The following ADCY10 variants were observed in gnomAD, a reference collection of about 807,000 sequenced individuals.
The protein encoded by ADCY10 is adenylate cyclase type 10.
Under a neutral mutation model 183.3 loss-of-function variants are expected in ADCY10, and 156 were observed. The observed-to-expected ratio is 0.85, with a 90% CI of 0.75 to 0.97. ADCY10 has a LOEUF of 0.97. Among genes scored for constraint, ADCY10 ranks in the 50% least tolerant of loss-of-function variants. ADCY10 has a pLI of 0.00. For missense variants in ADCY10, 1,745 were observed against 1,934.3 expected, an observed-to-expected ratio of 0.90 and a Z score of 1.84; for synonymous variants, 645 against 670.0, an observed-to-expected ratio of 0.96 and a Z score of 0.58.
intron 21 of ADCY10, 84 bp from the exon 22 acceptor site, chr1:167,837,402 T>G (rs558613445): frequency 7.8e-7 from 1 of 1,289,624 alleles, no homozygotes; most frequent in South Asian, 1.2e-5. Flanking sequence ...AGACTCTTGT[T>G]CCCTTTTCGG....
At position 167,837,237 on chromosome 1, in the gene ADCY10, A is replaced by G; in HGVS notation, c.3077+12T>C. On this transcript the variant is annotated intron_variant, in intron 22 of 32. Coordinates refer to ENST00000367851, the MANE Select transcript of ADCY10 (RefSeq NM_018417.6). Reference sequence around the variant, plus strand: ...TATGCTCTACTTCCTAAACAATGATATATGCCTCTACCTGCGATTTTCAGG... The same window carrying G: ...TATGCTCTACTTCCTAAACAATGATGTATGCCTCTACCTGCGATTTTCAGG... 6.2e-7 allele frequency: 1 copy of G among 1,601,286 alleles called. No individual in the cohort carries two copies. Among genetic ancestry groups the G allele is most frequent in the Non-Finnish European group, 8.6e-7 (1 of 1,168,368 alleles).
In ADCY10 at chr1:167,863,730, G is replaced by A. The variant is rs535094453; in HGVS notation, c.1617-2667C>T. Among the ~76,000 whole-genome samples, 7 of 152,338 alleles carry A rather than the reference G, an allele frequency of 4.6e-5. No homozygotes were observed. In the South Asian group the frequency reaches 6.2e-4, roughly 14 times the overall value. ...GCTCTCCTGGGTAGGCATTTGCCCC[G>A]GTGGGACACCTCGCCAGAGCAGTGT... On this transcript the variant is annotated intron_variant, in intron 14 of 32. Transcript: ENST00000367851.
At chr1:167,875,281 C>T in intron 12 of ADCY10, 95 bp from the exon 13 acceptor site, 1 of 1,266,960 alleles carries the variant, frequency 7.9e-7, no homozygotes, top group South Asian at 1.2e-5. Flanking sequence ...AAGTTTCCTT[C>T]TCAATTGCTA....
At chr1:167,848,333 G>T in intron 19 of ADCY10, 28 bp downstream of exon 19, 3 of 1,607,556 alleles carry the variant, frequency 1.9e-6, no homozygotes, top group Non-Finnish European at 2.6e-6. Context: ...ACAGGCGTGA[G>T]CCACTGCGCC....
In ADCY10 at chr1:167,899,411, C is replaced by A. The variant is rs1286719691; in HGVS notation, c.642+12G>T. The A allele has an allele frequency of 6.2e-7, 1 of 1,613,846 alleles. No individual in the cohort carries two copies. The highest frequency in any genetic ancestry group is 2.2e-5 in the East Asian group (1 of 44,886). Reference sequence around the variant, plus strand: ...TGGCAGAACTTTCTGTAAGTAGCAGCATCACACCCACCTTAACTGCTCTCT... The same window carrying A: ...TGGCAGAACTTTCTGTAAGTAGCAGAATCACACCCACCTTAACTGCTCTCT... On this transcript the variant is annotated intron_variant, in intron 6 of 32. Transcript: ENST00000367851.
chr1:167,890,861 T>C (rs1276736694), intron 8 of ADCY10, among the ~76,000 whole-genome samples: 1 of 152,200 alleles, frequency 6.6e-6, no homozygotes, highest in Non-Finnish European at 1.5e-5. Context: ...AGATAACTGA[T>C]GTATGGAGAA....
chr1:167,886,914 A>T (rs1404510747), intron 8 of ADCY10, among the ~76,000 whole-genome samples: 3 of 152,264 alleles, frequency 2.0e-5, no homozygotes, highest in African/African-American at 7.2e-5. Flanking sequence ...TCAAAAGAAG[A>T]CATTTATGCA....
chr1:167,854,568 A>G (rs1665750257), intron 17 of ADCY10, 79 bp from the exon 18 acceptor site: 1 of 1,510,544 alleles, frequency 6.6e-7, no homozygotes, highest in African/African-American at 1.4e-5. Context: ...CTTCTCAATC[A>G]CTTGAAAATA....
At chr1:167,913,430 GCA>G (rs1670276938) in intron 1 of ADCY10, among the ~76,000 whole-genome samples, 1 of 152,128 alleles carries the variant, frequency 6.6e-6, no homozygotes, top group East Asian at 1.9e-4. Flanking sequence ...GAACTTAAAG[GCA>G]CAGTGTTACC....
intron 26 of ADCY10, among the ~76,000 whole-genome samples, chr1:167,827,830 C>T (rs545724116): frequency 5.7e-4 from 86 of 152,110 alleles, no homozygotes; most frequent in African/African-American, 1.8e-3. Flanking sequence ...TCTCCTGCCT[C>T]GGCCTCCTGA....
chr1:167,831,657 C>G (rs780660722), intron 25 of ADCY10, among the ~76,000 whole-genome samples: 37 of 152,180 alleles, frequency 2.4e-4, no homozygotes, highest in Admixed American at 2.6e-4. Flanking sequence ...TCTACCTTTT[C>G]CCTTTGTGCA....
intron 21 of ADCY10, among the ~76,000 whole-genome samples, chr1:167,842,969 T>C (rs1400789979): frequency 6.6e-6 from 1 of 152,228 alleles, no homozygotes; most frequent in African/African-American, 2.4e-5. Context: ...ATGGGATTAC[T>C]GTTTTGTGAT....
chr1:167,893,788 C>A, intron 8 of ADCY10, 65 bp downstream of exon 8: 26 of 950,422 alleles, frequency 2.7e-5, no homozygotes, highest in East Asian at 2.3e-4. Context: ...TTTCTTAAAT[C>A]TTAAAATTCC....
Position 167,824,523 on chromosome 1 carries a change from A to C in ADCY10, c.4005T>G (p.His1335Gln). The change falls in exon 28 of 33, where the codon CAT becomes CAG. Residue 1335 changes from histidine (H) to glutamine (Q), a missense_variant. His to Gln is a conservative substitution (Grantham distance 24). Coordinates refer to ENST00000367851, the MANE Select transcript of ADCY10 (RefSeq NM_018417.6). ...TGCTAAGTCTGCAGAGGGACTGATA[A>C]TGTCGGTTGGGATTCTGGAGCAGTG... is the stretch of plus-strand genomic sequence containing the variant. ...MWALLQNPNR[H>Q]YQSLCRLSRC... The C allele has an allele frequency of 1.9e-6, 3 of 1,614,172 alleles. 1 individual carries two copies. Among genetic ancestry groups the C allele is most frequent in the Middle Eastern group, 1.6e-4 (1 of 6,062 alleles).
chr1:167,840,250 T>C (rs1292839806), intron 21 of ADCY10, among the ~76,000 whole-genome samples: 1 of 150,882 alleles, frequency 6.6e-6, no homozygotes, highest in East Asian at 1.9e-4. Flanking sequence ...AAAATGGTAA[T>C]GGTGATAGAA....
chr1:167,872,542 G>A (rs901007864), intron 13 of ADCY10, among the ~76,000 whole-genome samples: 8 of 151,252 alleles, frequency 5.3e-5, no homozygotes, highest in African/African-American at 1.9e-4. Context: ...TCAATATCGG[G>A]GACTGTTGTA....
intron 13 of ADCY10, among the ~76,000 whole-genome samples, chr1:167,872,609 T>C (rs1303132162): frequency 6.6e-6 from 1 of 151,884 alleles, no homozygotes; most frequent in Non-Finnish European, 1.5e-5. Flanking sequence ...TTGTCAACCA[T>C]GCTGTTGCAA....
At chr1:167,838,496 T>C (rs1664388253) in intron 21 of ADCY10, among the ~76,000 whole-genome samples, 1 of 152,214 alleles carries the variant, frequency 6.6e-6, no homozygotes, top group African/African-American at 2.4e-5. Context: ...CTGATTCTTT[T>C]AGCACACATT....
chr1:167,827,206 C>T (rs535500125), intron 26 of ADCY10, among the ~76,000 whole-genome samples: 94 of 151,622 alleles, frequency 6.2e-4, no homozygotes, highest in African/African-American at 2.1e-3. Flanking sequence ...CTTGCTCTGT[C>T]GCCCAGGCTG....
Sources: allele counts gnomAD v4.1 joint callset (sites outside exome capture counted in the v4.1 genomes callset), GRCh38; gene constraint gnomAD v4.1.1; transcripts MANE v1.5; gene names NCBI Gene and HGNC (gene_info 2026-07-23, HGNC 2026-07-21).